BIRC6: variants seen among roughly 807,000 people sequenced by gnomAD.
The protein encoded by BIRC6 is dual E2 ubiquitin-conjugating enzyme/E3 ubiquitin-protein ligase BIRC6.
A neutral mutation model predicts 503.3 loss-of-function variants in BIRC6; 98 were observed. The observed-to-expected ratio is 0.19, with a 90% confidence interval of 0.17 to 0.23. BIRC6 has a LOEUF of 0.23. Ranked by LOEUF, BIRC6 falls within the 10% of genes least tolerant of loss-of-function variation. The pLI, the probability that BIRC6 is intolerant of heterozygous loss-of-function variation, is 1.00. For synonymous variants in BIRC6, 2,240 were observed against 2,078.7 expected (o/e 1.08, Z -2.11); for missense variants, 5,360 against 5,806.0 (o/e 0.92, Z 2.50).
chr2:32,470,134 T>G, intron 30 of BIRC6, 34 bp from the exon 31 acceptor site: 1 of 1,424,692 alleles, frequency 7.0e-7, no homozygotes, highest in Non-Finnish European at 9.3e-7. Context: ...GAATTGATTC[T>G]TATTCTTTTC....
intron 62 of BIRC6, 42 bp from the exon 63 acceptor site, chr2:32,545,601 T>C (rs116213375): frequency 0.012 from 17,827 of 1,510,196 alleles, 144 homozygotes; most frequent in Non-Finnish European, 0.014. Flanking sequence ...TATGTGTTTT[T>C]AACTGTTTTT....
intron 10 of BIRC6, among the ~76,000 whole-genome samples, chr2:32,427,334 G>T (rs1382034054): frequency 6.6e-6 from 1 of 151,952 alleles, no homozygotes; most frequent in South Asian, 2.1e-4. Context: ...CCAGGCTGGA[G>T]TGCAGTGGCG....
Position 32,377,734 on chromosome 2 carries a change from G to T in BIRC6, c.472G>T (p.Asp158Tyr). The part of the protein sequence containing the change: ...TALQTPVSKQ[D>Y]DVVQLELPVT... ...TCTGCAAACTCCAGTTTCAAAGCAG[G>T]ATGATGTGGTTCAGCTTGAATTACC... The change falls in exon 2 of 74, where the codon GAT becomes TAT. Residue 158 changes from aspartate (D) to tyrosine (Y), a missense_variant. Asp to Tyr is a radical substitution (Grantham distance 160). Transcript: ENST00000421745. 1 of 1,613,544 alleles carries T rather than the reference G, an allele frequency of 6.2e-7. No homozygotes were observed. The highest frequency in any genetic ancestry group is 8.5e-7 in the Non-Finnish European group (1 of 1,179,728).
chr2:32,372,374 T>A (rs965619059), intron 1 of BIRC6, among the ~76,000 whole-genome samples: 13 of 152,194 alleles, frequency 8.5e-5, no homozygotes, highest in Non-Finnish European at 1.6e-4. Context: ...TCTACATTGT[T>A]ACTGAAATGT....
At position 32,593,990 on chromosome 2, in the gene BIRC6, G is replaced by A. The variant is rs1384577493; in HGVS notation, c.13431G>A (p.Leu4477=). 6.2e-7 allele frequency: 1 copy of A among 1,613,588 alleles called. No homozygotes were observed. Among genetic ancestry groups the A allele is most frequent in the Non-Finnish European group, 8.5e-7 (1 of 1,179,646 alleles). Residue 4477 remains leucine (L), a synonymous_variant, in exon 67 of 74, where the codon TTG becomes TTA. Coordinates refer to ENST00000421745, the MANE Select transcript of BIRC6 (RefSeq NM_016252.4). The stretch of plus-strand genomic sequence containing the variant: ...AAGAACCAGAAGGACTTACTCTTTT[G>A]GTACCAGACATCCAAAAGACTGCTG... ...SDQEPEGLTL[L]VPDIQKTAEI...
intron 20 of BIRC6, among the ~76,000 whole-genome samples, chr2:32,444,689 A>C (rs574779958): frequency 6.6e-6 from 1 of 152,310 alleles, no homozygotes; most frequent in East Asian, 1.9e-4. Context: ...AGTTTAAAAA[A>C]ACAACCCATT....
At chr2:32,436,232 T>G (rs1475789043) in intron 15 of BIRC6, 48 bp downstream of exon 15, 1 of 1,329,978 alleles carries the variant, frequency 7.5e-7, no homozygotes, top group Non-Finnish European at 9.8e-7. Flanking sequence ...ACCACAGTTG[T>G]AAAAAAGACG....
intron 53 of BIRC6, among the ~76,000 whole-genome samples, chr2:32,511,201 CTTTTTTTTTTT>C: frequency 6.4e-4 from 31 of 48,586 alleles, no homozygotes; most frequent in African/African-American, 2.5e-3. Flanking sequence ...CTTTTCTTTT[CTTTTTTTTTTT>C]TTTTTTTTTT....
chr2:32,461,414 C>T (rs1488312193), intron 23 of BIRC6, among the ~76,000 whole-genome samples: 2 of 147,986 alleles, frequency 1.4e-5, no homozygotes, highest in African/African-American at 2.5e-5. Context: ...CCATGTTGAC[C>T]AAGCTGGTCT....
rs148083013 is a variant in BIRC6, at chr2:32,424,229, A to ATG, written c.2873-4907_2873-4906dup. ...CTAATTTATAAATTAAATTTATCAT[A>ATG]TGTGTGTGTGTATATATATGAATAT... On this transcript the variant is annotated intron_variant, in intron 10 of 73. Coordinates refer to ENST00000421745, the MANE Select transcript of BIRC6 (RefSeq NM_016252.4). Among the ~76,000 whole-genome samples, 326 of 151,390 alleles carry ATG rather than the reference A, an allele frequency of 2.2e-3. 1 individual carries two copies. Among genetic ancestry groups the ATG allele is most frequent in the Non-Finnish European group, 3.8e-3 (260 of 67,668 alleles).
chr2:32,378,878 T>A (rs2037222824), intron 2 of BIRC6: 4 of 152,266 alleles, frequency 2.6e-5, no homozygotes, highest in African/African-American at 7.2e-5. Flanking sequence ...CTAGCCCAAC[T>A]TAAATTCTTT....
chr2:32,463,550 A>G (rs888683376), intron 24 of BIRC6, among the ~76,000 whole-genome samples, 169 bp downstream of exon 24: 1 of 152,228 alleles, frequency 6.6e-6, no homozygotes, highest in Non-Finnish European at 1.5e-5. Flanking sequence ...AATTGGTTAA[A>G]ATTGTATGAA....
chr2:32,360,294 T>C (rs2033855410), intron 1 of BIRC6, among the ~76,000 whole-genome samples: 1 of 152,226 alleles, frequency 6.6e-6, no homozygotes, highest in African/African-American at 2.4e-5. Flanking sequence ...CAGTGAATTT[T>C]TAACTATGAC....
chr2:32,544,240 A>G (rs2057889215), intron 62 of BIRC6, among the ~76,000 whole-genome samples: 1 of 152,206 alleles, frequency 6.6e-6, no homozygotes, highest in Non-Finnish European at 1.5e-5. Context: ...TGTTAAGATT[A>G]GTGATGTGTT....
chr2:32,436,079 G>A lies in BIRC6; in HGVS notation c.3526G>A (p.Asp1176Asn). 1.4e-6 allele frequency: 2 copies of A among 1,441,862 alleles called. No homozygotes were observed. The highest frequency in any genetic ancestry group is 1.9e-6 in the Non-Finnish European group (2 of 1,080,490). The allele number at this position is 1,441,862 out of a possible 1,614,324, so 89.3% of individuals were successfully genotyped here. A position where few individuals can be genotyped will look rare whatever the true frequency, so the allele number is the denominator to read the frequency against. Reference sequence around the variant, plus strand: ...TCTTAGATTATGTCCATTTTTGGAGGATCATAAAGAAGACATTCTATGTGG... The same window carrying A: ...TCTTAGATTATGTCCATTTTTGGAGAATCATAAAGAAGACATTCTATGTGG... ...QCLRLCPFLE[D>N]HKEDILCGPV... Residue 1176 changes from aspartate to asparagine, a missense_variant, in exon 15 of 74, where the codon GAT (aspartate) becomes AAT (asparagine). Coordinates refer to ENST00000421745, the MANE Select transcript of BIRC6 (RefSeq NM_016252.4).
chr2:32,558,320 C>CA (rs140386546), intron 65 of BIRC6, among the ~76,000 whole-genome samples: 37,584 of 151,934 alleles, frequency 0.25, 5,714 homozygotes, highest in Non-Finnish European at 0.33. Flanking sequence ...AATTTATATA[C>CA]AAAAAACTAC....
chr2:32,551,791 C>T (rs750644580), intron 65 of BIRC6, among the ~76,000 whole-genome samples: 2 of 152,082 alleles, frequency 1.3e-5, no homozygotes, highest in East Asian at 1.9e-4. Context: ...ATGTCCTTTT[C>T]TTCTGTAATC....
chr2:32,454,165 T>A (rs2046995711), intron 23 of BIRC6, among the ~76,000 whole-genome samples: 1 of 152,210 alleles, frequency 6.6e-6, no homozygotes, highest in Admixed American at 6.5e-5. Context: ...GAACAGTGTC[T>A]TAAATCATTC....
chr2:32,425,677 C>T (rs375378919), intron 10 of BIRC6, among the ~76,000 whole-genome samples: 18 of 152,300 alleles, frequency 1.2e-4, no homozygotes, highest in East Asian at 9.7e-4. Flanking sequence ...AAAAAGAGTT[C>T]TATCTCTTTA....
Sources: gnomAD v4.1 joint callset for allele counts (sites outside exome capture counted in the v4.1 genomes callset) on GRCh38, gnomAD v4.1.1 for gene constraint, MANE v1.5 for transcripts, NCBI Gene and HGNC (gene_info 2026-07-23, HGNC 2026-07-21) for gene names.